The following NCOR1 variants were observed in gnomAD, a reference collection of about 807,000 sequenced individuals.
NCOR1 encodes the protein protein phosphatase 1, regulatory subunit 109.
In NCOR1, 63 loss-of-function variants were observed where a neutral mutation model predicts 288.1. The ratio of observed to expected loss-of-function variants is 0.22; its 90% CI spans 0.18 to 0.27. NCOR1 has a LOEUF of 0.27. NCOR1 is among the 10% of genes least tolerant of loss of function. The pLI is 1.00. For missense variants in NCOR1, 2,397 were observed against 3,019.2 expected (o/e 0.79, Z 4.83); for synonymous variants, 1,007 against 1,065.9 (o/e 0.94, Z 1.08).
intron 41 of NCOR1, 135 bp from the exon 42 acceptor site, chr17:16,047,228 A>T: frequency 1.2e-6 from 1 of 843,846 alleles, no homozygotes; most frequent in South Asian, 2.1e-5. Context: ...TTACAGCCCT[A>T]AGAAACAGTA....
intron 1 of NCOR1, among the ~76,000 whole-genome samples, chr17:16,215,071 T>C (rs1054947096): frequency 7.9e-5 from 12 of 152,004 alleles, no homozygotes; most frequent in Non-Finnish European, 1.8e-4. Flanking sequence ...CGCACGCCCC[T>C]CCGCACAGGA....
rs1459702806 is a variant in NCOR1, at chr17:16,057,639, T to C, written c.6267A>G (p.Val2089=). 2 of 1,613,966 alleles carry C rather than the reference T, an allele frequency of 1.2e-6. No individual in the cohort carries two copies. The highest frequency in any genetic ancestry group is 1.1e-5 in the South Asian group (1 of 91,086). ...ATGTTTTAGTCCTCACAGGTGTAGA[T>C]ACCAAAGCAGAAGGTGAGTTCTGGA... is the stretch of plus-strand genomic sequence containing the variant. ...STFQNSPSAL[V]STPVRTKTSN... The change falls in exon 40 of 46, where the codon GTA becomes GTG. Residue 2089 remains valine, a synonymous_variant. Transcript: ENST00000268712.
rs73981469 is a variant in NCOR1, at chr17:16,143,794, T to C, written c.1083-98A>G. The C allele has an allele frequency of 1.9e-3, 1,576 of 838,010 alleles. 16 individuals are homozygous for C. In the African/African-American group the frequency reaches 0.025, roughly 13 times the overall value. 51.9% of individuals were successfully genotyped at this position (838,010 alleles called of 1,614,324 possible). A position where few individuals can be genotyped will look rare whatever the true frequency, so the allele number is the denominator to read the frequency against. On this transcript the variant is annotated intron_variant, in intron 10 of 45. Coordinates refer to ENST00000268712, the MANE Select transcript of NCOR1 (RefSeq NM_006311.4). Reference sequence around the variant, plus strand: ...GATTACTTTTCTGAATGGAACTTTTTAACCAAGTTAAGAGAAGAAACATAA... The same window carrying C: ...GATTACTTTTCTGAATGGAACTTTTCAACCAAGTTAAGAGAAGAAACATAA...
intron 30 of NCOR1, 100 bp from the exon 31 acceptor site, chr17:16,070,625 T>C: frequency 6.8e-7 from 1 of 1,466,710 alleles, no homozygotes; most frequent in East Asian, 2.3e-5. Flanking sequence ...TTCACTGTGG[T>C]GATCTTTTTT....
intron 21 of NCOR1, among the ~76,000 whole-genome samples, chr17:16,096,615 TTC>T (rs1473897577): frequency 6.6e-6 from 1 of 152,220 alleles, no homozygotes; most frequent in Non-Finnish European, 1.5e-5. Context: ...AGCATTATAT[TTC>T]TTTTTTTTTC....
intron 19 of NCOR1, among the ~76,000 whole-genome samples, chr17:16,104,488 A>G (rs2068217892): frequency 6.6e-6 from 1 of 152,108 alleles, no homozygotes; most frequent in African/African-American, 2.4e-5. Flanking sequence ...TATGTGATAT[A>G]GGCTGAGAGT....
chr17:16,047,516 C>T (rs1038835755), intron 41 of NCOR1, among the ~76,000 whole-genome samples: 8 of 152,162 alleles, frequency 5.3e-5, no homozygotes, highest in Admixed American at 3.3e-4. Context: ...ACTAATAGCA[C>T]GCTTGACTAC....
intron 2 of NCOR1, 84 bp from the exon 3 acceptor site, chr17:16,186,771 G>C (rs933829285): frequency 8.2e-7 from 1 of 1,214,872 alleles, no homozygotes; most frequent in Non-Finnish European, 1.2e-6. Flanking sequence ...AGGTAGTTAT[G>C]GGCCACTAAG....
intron 22 of NCOR1, among the ~76,000 whole-genome samples, chr17:16,089,935 A>G (rs1598423130): frequency 1.3e-5 from 2 of 152,292 alleles, no homozygotes; most frequent in South Asian, 2.1e-4. Context: ...TTTGTAGAGC[A>G]TCACCTTCGA....
intron 26 of NCOR1, among the ~76,000 whole-genome samples, chr17:16,077,517 G>GGAGGGGGA (rs1208649396): frequency 1.1e-4 from 2 of 17,456 alleles, no homozygotes; most frequent in African/African-American, 4.8e-4. Flanking sequence ...GGAGAGGGGA[G>GGAGGGGGA]GGGGGGAGGA....
At chr17:16,119,548 A>C in intron 16 of NCOR1, 63 bp from the exon 17 acceptor site, 5 of 1,099,296 alleles carry the variant, frequency 4.5e-6, no homozygotes, top group Non-Finnish European at 5.3e-6. Context: ...TATTCAAACC[A>C]ATCATATAAT....
At chr17:16,129,236 T>C (rs926686792) in intron 14 of NCOR1, among the ~76,000 whole-genome samples, 6 of 152,194 alleles carry the variant, frequency 3.9e-5, no homozygotes, top group African/African-American at 9.6e-5. Context: ...CTTTGCCTCC[T>C]AGATCCTAAA....
At chr17:16,186,746 T>G in intron 2 of NCOR1, 59 bp from the exon 3 acceptor site, 1 of 1,539,452 alleles carries the variant, frequency 6.5e-7, no homozygotes, top group Non-Finnish European at 8.9e-7. Flanking sequence ...CATCATGAAA[T>G]CAAAGCAAGT....
chr17:16,176,788 C>T (rs1403055817), intron 3 of NCOR1, among the ~76,000 whole-genome samples: 1 of 151,938 alleles, frequency 6.6e-6, no homozygotes, highest in Non-Finnish European at 1.5e-5. Context: ...ATTTTGTTTC[C>T]TGAATTCCTA....
chr17:16,041,842 C>T (rs142141461), intron 42 of NCOR1, among the ~76,000 whole-genome samples: 2,539 of 151,548 alleles, frequency 0.017, 48 homozygotes, highest in Non-Finnish European at 0.023. Flanking sequence ...GTTCACGCCA[C>T]TCTCCTGCCT....
chr17:16,102,210 G>A (rs2067748673), intron 19 of NCOR1, among the ~76,000 whole-genome samples: 1 of 152,134 alleles, frequency 6.6e-6, no homozygotes, highest in African/African-American at 2.4e-5. Context: ...AATCACATCT[G>A]TAATTTTAAT....
chr17:16,168,490 C>T (rs574431630), intron 4 of NCOR1, among the ~76,000 whole-genome samples: 5 of 152,038 alleles, frequency 3.3e-5, no homozygotes, highest in East Asian at 1.9e-4. Context: ...CGTGAGCCAC[C>T]GCGCCCAGCC....
chr17:16,076,253 A>C (rs2062437014), intron 26 of NCOR1, among the ~76,000 whole-genome samples: 2 of 152,366 alleles, frequency 1.3e-5, no homozygotes, highest in African/African-American at 4.8e-5. Flanking sequence ...TATGTTATAC[A>C]AAAAGCAAAT....
rs1181860329 is a variant in NCOR1 at position 16,136,667 on chromosome 17, C to T, written c.1509+644G>A. ...CTAAAAATACAAAAACTTAGCCGGG[C>T]GTGGTGGCAGGCGCCTGTAGTCCCA... On this transcript the variant is annotated intron_variant, in intron 14 of 45. Transcript: ENST00000268712. Among the ~76,000 whole-genome samples, 3 of 151,824 alleles carry T rather than the reference C, an allele frequency of 2.0e-5. 1 individual carries two copies. Among genetic ancestry groups the T allele is most frequent in the Admixed American group, 2.0e-4 (3 of 15,276 alleles).
Sources: gnomAD v4.1 joint callset for allele counts (sites outside exome capture counted in the v4.1 genomes callset) on GRCh38, gnomAD v4.1.1 for gene constraint, MANE v1.5 for transcripts, NCBI Gene and HGNC (gene_info 2026-07-23, HGNC 2026-07-21) for gene names.